Variants in NCALD observed in about 807,000 individuals in gnomAD.
NCALD encodes the protein neurocalcin-delta.
A neutral mutation model predicts 18.6 loss-of-function variants in NCALD; 10 were observed. The ratio of observed to expected loss-of-function variants is 0.54; its 90% CI spans 0.33 to 0.91. The LOEUF (loss-of-function observed/expected upper bound fraction) is 0.91, where lower values mean the gene tolerates loss of function less well. Among genes scored for constraint, NCALD ranks in the 40% least tolerant of loss-of-function variants. The pLI is 0.03. For synonymous variants in NCALD, 88 were observed against 87.4 expected (o/e 1.01, Z -0.04); for missense variants, 184 against 247.6 (o/e 0.74, Z 1.72).
chr8:102,017,550 C>A (rs1375495025), intron 2 of NCALD, among the ~76,000 whole-genome samples: 2 of 152,070 alleles, frequency 1.3e-5, no homozygotes, highest in African/African-American at 4.8e-5. Flanking sequence ...CAAAAATTAG[C>A]CGGGTGTGGT....
chr8:101,922,545 T>C (rs1236292111), intron 2 of NCALD, among the ~76,000 whole-genome samples: 1 of 152,208 alleles, frequency 6.6e-6, no homozygotes, highest in Non-Finnish European at 1.5e-5. Context: ...ATATATTTCA[T>C]TCTTCATATA....
chr8:102,115,517 A>T (rs943228227), intron 1 of NCALD, among the ~76,000 whole-genome samples: 20 of 152,276 alleles, frequency 1.3e-4, no homozygotes, highest in African/African-American at 4.3e-4. Context: ...CTTTTCTGAT[A>T]CACCTCATTT....
intron 4 of NCALD, among the ~76,000 whole-genome samples, chr8:101,809,640 G>A (rs760632917): frequency 1.5e-4 from 23 of 152,052 alleles, no homozygotes; most frequent in Non-Finnish European, 2.9e-4. Flanking sequence ...TTCATCCCCC[G>A]GGTTGCAGTG....
chr8:101,730,479 C>CAAAAAAA lies in NCALD; in HGVS notation c.-19-10838_-19-10832dup, dbSNP rs869241027. On this transcript the variant is annotated intron_variant, in intron 1 of 3. Coordinates refer to ENST00000220931, the MANE Select transcript of NCALD (RefSeq NM_032041.3). ...TGGGCAACAGAGCGAGACTCCATCTCAAAAAAAAAAAAAAAAAAAAAAAAA... is the reference window on the plus strand; with the variant it reads ...TGGGCAACAGAGCGAGACTCCATCTCAAAAAAAAAAAAAAAAAAAAAAAAAAAAAAAA... Among the ~76,000 whole-genome samples, 37 of 43,650 alleles carry CAAAAAAA rather than the reference C, an allele frequency of 8.5e-4. 1 individual carries two copies. Among genetic ancestry groups the CAAAAAAA allele is most frequent in the East Asian group, 2.1e-3 (3 of 1,452 alleles). The allele number at this position is 43,650 out of a possible 152,430, so 28.6% of individuals were successfully genotyped here.
At chr8:101,788,363 T>C (rs1563770886) in intron 1 of NCALD, among the ~76,000 whole-genome samples, 3 of 152,194 alleles carry the variant, frequency 2.0e-5, no homozygotes. Context: ...AATTAAAATG[T>C]AGGCCACAAG....
chr8:101,690,846 G>C (rs1814694304), intron 3 of NCALD: 1 of 985,276 alleles, frequency 1.0e-6, no homozygotes, highest in Non-Finnish European at 1.2e-6. Context: ...AGACAGGCGT[G>C]ATCTCTGAAC....
chr8:101,902,961 C>T (rs1204313982), intron 3 of NCALD, among the ~76,000 whole-genome samples: 1 of 152,156 alleles, frequency 6.6e-6, no homozygotes, highest in East Asian at 1.9e-4. Context: ...ACCTTTCTTT[C>T]TTCTCTGCAA....
intron 2 of NCALD, among the ~76,000 whole-genome samples, chr8:101,957,671 A>G (rs1251646378): frequency 6.6e-6 from 1 of 152,130 alleles, no homozygotes; most frequent in Non-Finnish European, 1.5e-5. Flanking sequence ...ATCAGAAGAG[A>G]TCAGTCAGGA....
At chr8:101,893,846 G>A (rs1337803728) in intron 3 of NCALD, among the ~76,000 whole-genome samples, 2 of 145,102 alleles carry the variant, frequency 1.4e-5, no homozygotes, top group Non-Finnish European at 3.0e-5. Flanking sequence ...CAATACAGGA[G>A]CACCCAGATT....
chr8:102,038,052 T>G (rs1822931345), intron 1 of NCALD, among the ~76,000 whole-genome samples: 1 of 152,184 alleles, frequency 6.6e-6, no homozygotes, highest in Non-Finnish European at 1.5e-5. Context: ...GAATGTAAGC[T>G]TCACACACAA....
chr8:102,065,719 C>T (rs1587006924), intron 1 of NCALD, among the ~76,000 whole-genome samples: 1 of 152,112 alleles, frequency 6.6e-6, no homozygotes, highest in African/African-American at 2.4e-5. Flanking sequence ...TGGTGTGTAC[C>T]TGTAATCCCA....
intron 4 of NCALD, among the ~76,000 whole-genome samples, chr8:101,835,644 C>T (rs1262969441): frequency 6.6e-6 from 1 of 152,190 alleles, no homozygotes; most frequent in Non-Finnish European, 1.5e-5. Flanking sequence ...AAATGACACA[C>T]ATCACTTCCA....
intron 2 of NCALD, among the ~76,000 whole-genome samples, chr8:101,936,008 A>G (rs1206381798): frequency 6.6e-6 from 1 of 152,082 alleles, no homozygotes; most frequent in Non-Finnish European, 1.5e-5. Context: ...TGAAGAGTGC[A>G]CAGGTCCAGA....
chr8:101,762,140 C>T (rs183180695), intron 1 of NCALD, among the ~76,000 whole-genome samples: 33 of 152,152 alleles, frequency 2.2e-4, no homozygotes, highest in Admixed American at 3.3e-4. Flanking sequence ...ATCAATATCC[C>T]GACTAATATA....
rs1814557453 is a variant in NCALD, at chr8:101,688,381, G to C, written c.*928C>G. 3 of 235,054 alleles carry C rather than the reference G, an allele frequency of 1.3e-5. No homozygotes were observed. In the South Asian group the frequency reaches 1.7e-4, roughly 13 times the overall value. The allele number at this position is 235,054 out of a possible 1,614,324, so 14.6% of individuals were successfully genotyped here. On this transcript the variant is annotated 3_prime_UTR_variant, in exon 4 of 4. Transcript: ENST00000220931. ...ATGGAATATATAAAATATACTTGTC[G>C]ATTGGTACATTTGTGCAAAGACAGA... is the stretch of plus-strand genomic sequence containing the variant.
chr8:101,826,385 G>A (rs191290031), intron 4 of NCALD, among the ~76,000 whole-genome samples: 1 of 140,536 alleles, frequency 7.1e-6, no homozygotes, highest in Admixed American at 7.4e-5. Flanking sequence ...GTCTTCATGA[G>A]ACTTCTAGAA....
intron 4 of NCALD, among the ~76,000 whole-genome samples, chr8:101,819,212 C>T (rs985583373): frequency 6.6e-6 from 1 of 151,902 alleles, no homozygotes; most frequent in Non-Finnish European, 1.5e-5. Context: ...CATTTTCCCA[C>T]AGGCTTGTCA....
intron 3 of NCALD, among the ~76,000 whole-genome samples, chr8:101,890,017 T>G (rs1181450242): frequency 6.6e-6 from 1 of 152,154 alleles, no homozygotes; most frequent in African/African-American, 2.4e-5. Flanking sequence ...GTTGATAAAT[T>G]TGCAGCCGTA....
chr8:101,851,543 A>G (rs186612294), intron 4 of NCALD, among the ~76,000 whole-genome samples: 1 of 152,304 alleles, frequency 6.6e-6, no homozygotes, highest in Middle Eastern at 3.4e-3. Context: ...AATTAAAATA[A>G]ATGATGGCAA....
Sources: allele counts gnomAD v4.1 joint callset (sites outside exome capture counted in the v4.1 genomes callset), GRCh38; gene constraint gnomAD v4.1.1; transcripts MANE v1.5; gene names NCBI Gene and HGNC (gene_info 2026-07-23, HGNC 2026-07-21).